Variants in EPHB1 observed in about 807,000 individuals in gnomAD.
EPHB1 encodes EPH receptor B1.
A neutral mutation model predicts 94.4 loss-of-function variants in EPHB1; 30 were observed. That is an observed-to-expected ratio of 0.32 (90% CI 0.24 to 0.43). The LOEUF (loss-of-function observed/expected upper bound fraction) is 0.43, where lower values mean the gene tolerates loss of function less well. Ranked by LOEUF, EPHB1 falls within the 20% of genes least tolerant of loss-of-function variation. The pLI, the probability that EPHB1 is intolerant of heterozygous loss-of-function variation, is 1.00. For missense variants in EPHB1, 1,055 were observed against 1,308.3 expected (o/e 0.81, Z 2.99); for synonymous variants, 522 against 489.1 (o/e 1.07, Z -0.89).
chr3:135,123,985 C>T (rs765079727), intron 4 of EPHB1, among the ~76,000 whole-genome samples: 3 of 151,662 alleles, frequency 2.0e-5, no homozygotes, highest in African/African-American at 2.4e-5. Flanking sequence ...CAGAGCCCTC[C>T]TTACAGTAAC....
chr3:134,893,554 C>T (rs2038028320), intron 1 of EPHB1, among the ~76,000 whole-genome samples: 1 of 152,122 alleles, frequency 6.6e-6, no homozygotes, highest in African/African-American at 2.4e-5. Flanking sequence ...GTGAGGGATC[C>T]CAGGGTTGCC....
chr3:134,842,851 A>G (rs1041188903), intron 1 of EPHB1, among the ~76,000 whole-genome samples: 1 of 152,202 alleles, frequency 6.6e-6, no homozygotes, highest in African/African-American at 2.4e-5. Flanking sequence ...CCTTTGTGCT[A>G]TTAATGATGG....
chr3:134,937,557 G>T (rs917035642), intron 2 of EPHB1, among the ~76,000 whole-genome samples: 4 of 152,234 alleles, frequency 2.6e-5, no homozygotes, highest in African/African-American at 7.2e-5. Context: ...GGAATGAGGA[G>T]CCCATTTCCT....
chr3:135,165,444 A>T (rs1553743645), intron 7 of EPHB1, among the ~76,000 whole-genome samples: 1 of 152,144 alleles, frequency 6.6e-6, no homozygotes, highest in Non-Finnish European at 1.5e-5. Flanking sequence ...TTGAGCGGGA[A>T]CTCAGAGTGC....
At chr3:135,174,477 C>T (rs1358239469) in intron 9 of EPHB1, among the ~76,000 whole-genome samples, 2 of 152,214 alleles carry the variant, frequency 1.3e-5, no homozygotes, top group Admixed American at 1.3e-4. Flanking sequence ...GCACCCATAG[C>T]CTCTGCCTTT....
intron 1 of EPHB1, among the ~76,000 whole-genome samples, chr3:134,846,776 T>C (rs1409619571): frequency 6.6e-6 from 1 of 152,160 alleles, no homozygotes; most frequent in Admixed American, 6.5e-5. Context: ...GGATGGACCC[T>C]GGTCCATCAT....
chr3:135,093,740 G>A (rs368069421), intron 3 of EPHB1, among the ~76,000 whole-genome samples: 57 of 150,346 alleles, frequency 3.8e-4, no homozygotes, highest in East Asian at 1.4e-3. Flanking sequence ...AAAAAAAATC[G>A]TTTTCCATTC....
At chr3:134,884,645 C>T (rs564232926) in intron 1 of EPHB1, among the ~76,000 whole-genome samples, 1 of 152,304 alleles carries the variant, frequency 6.6e-6, no homozygotes, top group African/African-American at 2.4e-5. Context: ...TAATAATACT[C>T]TTTCCTTTGA....
intron 1 of EPHB1, among the ~76,000 whole-genome samples, chr3:134,870,704 G>A (rs1271838003): frequency 6.6e-6 from 1 of 152,234 alleles, no homozygotes; most frequent in Admixed American, 6.5e-5. Context: ...AATAGACTCA[G>A]AAGTTCTGTC....
At position 134,875,320 on chromosome 3, in the gene EPHB1, C is replaced by T. The variant is rs142254632; in HGVS notation, c.59-50496C>T. Among the ~76,000 whole-genome samples, 589 of 152,144 alleles carry T rather than the reference C, an allele frequency of 3.9e-3. 2 individuals carry two copies. Among genetic ancestry groups the T allele is most frequent in the Non-Finnish European group, 6.1e-3 (412 of 67,998 alleles). ...GTGTCTCACCAGGGCTTTGTGTTGG[C>T]GGACAGAGGGGAGCAGAAGGCCAGC... On this transcript the variant is annotated intron_variant, in intron 1 of 15. Transcript: ENST00000398015.
chr3:134,881,459 G>T (rs1038210107), intron 1 of EPHB1, among the ~76,000 whole-genome samples: 26 of 152,130 alleles, frequency 1.7e-4, no homozygotes, highest in Non-Finnish European at 5.9e-5. Context: ...GCTGGTGCTG[G>T]ATAAGAGAAA....
chr3:135,249,532 G>A, intron 15 of EPHB1, 41 bp downstream of exon 15: 1 of 1,588,046 alleles, frequency 6.3e-7, no homozygotes, highest in Non-Finnish European at 8.6e-7. Context: ...ACACCTAGGG[G>A]TCAGTGCTCC....
chr3:135,004,515 G>C (rs1018751069), intron 3 of EPHB1, among the ~76,000 whole-genome samples: 2 of 152,180 alleles, frequency 1.3e-5, no homozygotes, highest in African/African-American at 2.4e-5. Flanking sequence ...TGCCTTGCTA[G>C]ATTTGGGAAG....
intron 12 of EPHB1, among the ~76,000 whole-genome samples, chr3:135,227,615 T>TTGAA (rs1373605145): frequency 6.6e-6 from 1 of 152,204 alleles, no homozygotes; most frequent in Non-Finnish European, 1.5e-5. Flanking sequence ...CTTCTGATGC[T>TTGAA]ATGTTATTTC....
intron 3 of EPHB1, among the ~76,000 whole-genome samples, chr3:134,955,066 C>CCTTT (rs1322646688): frequency 2.1e-4 from 3 of 14,352 alleles, no homozygotes; most frequent in Admixed American, 2.2e-3. Flanking sequence ...TTCCTGACAT[C>CCTTT]CTTTCTTTTT....
chr3:134,886,985 T>C (rs1416100091), intron 1 of EPHB1, among the ~76,000 whole-genome samples: 1 of 152,170 alleles, frequency 6.6e-6, no homozygotes, highest in Non-Finnish European at 1.5e-5. Context: ...ATTGGAGATA[T>C]ATAATCATGG....
rs772987799 is a variant in EPHB1, at chr3:135,248,538, A to G, written c.2690+29A>G. The G allele has an allele frequency of 7.8e-6, 12 of 1,536,798 alleles. No individual in the cohort carries two copies. The Admixed American group carries it at 1.7e-4, about 22-fold the overall frequency. On this transcript the variant is annotated intron_variant, in intron 14 of 15. Coordinates refer to ENST00000398015, the MANE Select transcript of EPHB1 (RefSeq NM_004441.5). ...AGTCTAGTGAAACGGTGATCCCTAA[A>G]TATGGCTGGTTTCATGGTCAGGGGC...
At chr3:134,970,442 A>G (rs1371659402) in intron 3 of EPHB1, among the ~76,000 whole-genome samples, 5 of 152,172 alleles carry the variant, frequency 3.3e-5, no homozygotes, top group Non-Finnish European at 7.3e-5. Context: ...TCCCAGTGTG[A>G]ATCACCTTCA....
chr3:134,988,461 A>G (rs1934679902), intron 3 of EPHB1, among the ~76,000 whole-genome samples: 1 of 152,242 alleles, frequency 6.6e-6, no homozygotes, highest in African/African-American at 2.4e-5. Context: ...ATGAGTAAAC[A>G]TAAGCAGAAC....
Sources: gnomAD v4.1 joint callset for allele counts (sites outside exome capture counted in the v4.1 genomes callset) on GRCh38, gnomAD v4.1.1 for gene constraint, MANE v1.5 for transcripts, NCBI Gene and HGNC (gene_info 2026-07-23, HGNC 2026-07-21) for gene names.